Variants in STXBP4 observed in about 807,000 individuals in gnomAD.
The protein encoded by STXBP4 is syntaxin binding protein 4.
A neutral mutation model predicts 76.1 loss-of-function variants in STXBP4; 55 were observed. The observed-to-expected ratio is 0.72, with a 90% CI of 0.58 to 0.91. The LOEUF (loss-of-function observed/expected upper bound fraction) is 0.91. Among genes scored for constraint, STXBP4 ranks in the 40% least tolerant of loss-of-function variants. STXBP4 has a pLI of 0.00. For missense variants in STXBP4, 618 were observed against 636.9 expected, an observed-to-expected ratio of 0.97 and a Z score of 0.32; for synonymous variants, 201 against 220.2, an observed-to-expected ratio of 0.91 and a Z score of 0.77.
At chr17:55,178,799 CAGAG>C in the STXBP4 span, among the ~76,000 whole-genome samples, 4 of 152,162 alleles carry the variant, frequency 2.6e-5, no homozygotes, top group African/African-American at 4.8e-5. Flanking sequence ...AGCTCAAAAA[CAGAG>C]AGAAAGAAAT....
intron 8 of STXBP4, among the ~76,000 whole-genome samples, chr17:55,027,589 T>C (rs1241267649): frequency 1.3e-5 from 2 of 152,180 alleles, no homozygotes; most frequent in Non-Finnish European, 2.9e-5. Flanking sequence ...AAAGTTGAAC[T>C]CACACTTTCT....
intron 8 of STXBP4, among the ~76,000 whole-genome samples, chr17:55,016,162 A>G (rs983841383): frequency 6.6e-6 from 1 of 152,080 alleles, no homozygotes; most frequent in African/African-American, 2.4e-5. Flanking sequence ...AGCGTCCTTT[A>G]TGGTCCTAAT....
chr17:55,146,812 C>T (rs2080161349), intron 17 of STXBP4, among the ~76,000 whole-genome samples: 2 of 152,186 alleles, frequency 1.3e-5, no homozygotes, highest in South Asian at 4.1e-4. Context: ...GGCTTCACTT[C>T]CTCACCATAT....
rs942144334 is a variant in STXBP4 at position 55,173,395 on chromosome 17, G to A, written c.*13484G>A. 2 of 152,050 alleles carry A rather than the reference G, an allele frequency of 1.3e-5. No individual in the cohort carries two copies. The highest frequency in any genetic ancestry group is 1.5e-5 in the Non-Finnish European group (1 of 68,014). 9.4% of individuals were successfully genotyped at this position (152,050 alleles called of 1,614,324 possible). ...TCCGTAACTGTAGTTTTGCCTTTTC[G>A]AGAATATCATATAAATAATCATGTA... On this transcript the variant is annotated 3_prime_UTR_variant, in exon 18 of 18. Transcript: ENST00000376352.
At chr17:55,180,057 A>G in the STXBP4 span, among the ~76,000 whole-genome samples, 1 of 152,152 alleles carries the variant, frequency 6.6e-6, no homozygotes, top group Non-Finnish European at 1.5e-5. Context: ...GAAAGAGCTG[A>G]GCTTGACATG....
the STXBP4 span, among the ~76,000 whole-genome samples, chr17:55,196,700 C>T: frequency 6.6e-6 from 1 of 152,202 alleles, no homozygotes; most frequent in Admixed American, 6.5e-5. Flanking sequence ...CCATTCCTAG[C>T]ACATAGGAAG....
At chr17:55,198,663 A>T in the STXBP4 span, among the ~76,000 whole-genome samples, 1 of 152,320 alleles carries the variant, frequency 6.6e-6, no homozygotes, top group African/African-American at 2.4e-5. Flanking sequence ...AATGAAGCAG[A>T]TCTGATATAA....
intron 12 of STXBP4, among the ~76,000 whole-genome samples, chr17:55,047,803 C>T (rs559253963): frequency 7.2e-5 from 11 of 151,874 alleles, no homozygotes; most frequent in African/African-American, 2.4e-4. Flanking sequence ...CCATACAGGA[C>T]CCATATTTTG....
chr17:55,121,071 T>C (rs1157524420), intron 16 of STXBP4, among the ~76,000 whole-genome samples: 1 of 152,166 alleles, frequency 6.6e-6, no homozygotes, highest in Non-Finnish European at 1.5e-5. Context: ...ATGAATTAAA[T>C]ATTCAATTCG....
intron 16 of STXBP4, among the ~76,000 whole-genome samples, chr17:55,098,946 A>G (rs149374065): frequency 6.6e-6 from 1 of 152,286 alleles, no homozygotes; most frequent in African/African-American, 2.4e-5. Context: ...TTCAAGAGAC[A>G]CTCATATTTT....
chr17:54,998,668 TGAA>T (rs2077854616), intron 4 of STXBP4, among the ~76,000 whole-genome samples: 1 of 152,094 alleles, frequency 6.6e-6, no homozygotes. Context: ...AAGATTATGC[TGAA>T]ATATGGGTAG....
intron 7 of STXBP4, among the ~76,000 whole-genome samples, chr17:55,004,568 G>T (rs117070915): frequency 6.6e-6 from 1 of 152,020 alleles, no homozygotes; most frequent in Non-Finnish European, 1.5e-5. Flanking sequence ...GGGCATGGTG[G>T]CATACACCTG....
rs150785070 is a variant in STXBP4, at chr17:55,122,402, A to G, written c.1490-18908A>G. Among the ~76,000 whole-genome samples the G allele has an allele frequency of 3.9e-4, 59 of 152,338 alleles. No homozygotes were observed. In the East Asian group the frequency reaches 9.5e-3, roughly 24 times the overall value. On this transcript the variant is annotated intron_variant, in intron 16 of 17. Transcript: ENST00000376352. Reference sequence around the variant, plus strand: ...CACAGAGGAAGTATCATCTAAGCTGATTCTAGATTGATGAGCAGAAGCTCA... The same window carrying G: ...CACAGAGGAAGTATCATCTAAGCTGGTTCTAGATTGATGAGCAGAAGCTCA...
chr17:55,073,306 T>C (rs530356827), intron 13 of STXBP4, among the ~76,000 whole-genome samples: 4 of 152,338 alleles, frequency 2.6e-5, no homozygotes, highest in Non-Finnish European at 4.4e-5. Flanking sequence ...TTTAGGTCAT[T>C]GGTCAAAATT....
chr17:55,202,547 G>A, the STXBP4 span, among the ~76,000 whole-genome samples: 2 of 152,022 alleles, frequency 1.3e-5, no homozygotes, highest in African/African-American at 4.8e-5. Flanking sequence ...TTTAAAGGGT[G>A]TCTTGCTCAG....
intron 16 of STXBP4, among the ~76,000 whole-genome samples, chr17:55,128,596 TTTTGTTTG>T (rs77698622): frequency 3.2e-4 from 48 of 152,180 alleles, no homozygotes; most frequent in Middle Eastern, 3.4e-3. Context: ...TTCATAGTCC[TTTTGTTTG>T]TTTGTTTGTT....
chr17:55,094,261 A>C (rs1338934441), intron 16 of STXBP4, among the ~76,000 whole-genome samples: 1 of 152,020 alleles, frequency 6.6e-6, no homozygotes, highest in East Asian at 1.9e-4. Context: ...AAGCCAGATA[A>C]TACAAGGCTT....
chr17:55,145,132 A>G (rs1258495854), intron 17 of STXBP4, among the ~76,000 whole-genome samples: 2 of 152,214 alleles, frequency 1.3e-5, no homozygotes, highest in East Asian at 3.8e-4. Flanking sequence ...GCATAAGCAG[A>G]CATCTACTAT....
intron 16 of STXBP4, among the ~76,000 whole-genome samples, chr17:55,103,312 G>GAAAATTAAATTT (rs2079588565): frequency 6.6e-6 from 1 of 152,058 alleles, no homozygotes; most frequent in Non-Finnish European, 1.5e-5. Flanking sequence ...TTTGTATAAG[G>GAAAATTAAATTT]TGTAAGGAAG....
Sources: allele counts gnomAD v4.1 joint callset (sites outside exome capture counted in the v4.1 genomes callset), GRCh38; gene constraint gnomAD v4.1.1; transcripts MANE v1.5; gene names NCBI Gene and HGNC (gene_info 2026-07-23, HGNC 2026-07-21).